The following ING5 variants were observed in gnomAD, a reference collection of about 807,000 sequenced individuals.
ING5 encodes inhibitor of growth protein 5.
Under a neutral mutation model 37.4 loss-of-function variants are expected in ING5, and 17 were observed. The ratio of observed to expected loss-of-function variants is 0.45; its 90% CI spans 0.31 to 0.68. The LOEUF (loss-of-function observed/expected upper bound fraction) is 0.68, where lower values mean the gene tolerates loss of function less well. ING5 is among the 30% of genes least tolerant of loss of function. The pLI is 0.05. For synonymous variants in ING5, 123 were observed against 116.6 expected, an observed-to-expected ratio of 1.06 and a Z score of -0.36; for missense variants, 233 against 311.9, an observed-to-expected ratio of 0.75 and a Z score of 1.91.
At chr2:241,717,980 T>G (rs2070320275) in intron 5 of ING5, among the ~76,000 whole-genome samples, 1 of 152,184 alleles carries the variant, frequency 6.6e-6, no homozygotes, top group East Asian at 1.9e-4. Context: ...CTGCAAGCTT[T>G]TTTCTTTCTG....
intron 5 of ING5, among the ~76,000 whole-genome samples, chr2:241,716,291 T>C (rs2124930897): frequency 6.8e-6 from 1 of 146,200 alleles, no homozygotes; most frequent in South Asian, 2.2e-4. Flanking sequence ...CTTTTTTTTT[T>C]TTTTTTTTTT....
intron 5 of ING5, chr2:241,720,407 C>T: frequency 1.8e-6 from 2 of 1,132,950 alleles, no homozygotes; most frequent in Non-Finnish European, 2.2e-6. Context: ...GCCTGTTCCC[C>T]ACGTGCCCGG....
intron 2 of ING5, among the ~76,000 whole-genome samples, chr2:241,692,988 C>T (rs1285174223): frequency 2.0e-5 from 3 of 152,100 alleles, no homozygotes; most frequent in Non-Finnish European, 4.4e-5. Context: ...TGGCCAGGTG[C>T]GTTGGCTCAC....
chr2:241,687,214 G>C, exon 1 of ING5: 3 of 396,480 alleles, frequency 7.6e-6, no homozygotes, highest in Non-Finnish European at 1.3e-5. Flanking sequence ...CAGCGGGCCC[G>C]ACTCTCAGGG....
intron 3 of ING5, 137 bp downstream of exon 3, chr2:241,709,519 G>T: frequency 1.4e-6 from 1 of 724,316 alleles, no homozygotes; most frequent in Non-Finnish European, 2.3e-6. Flanking sequence ...GCTGGAGGAA[G>T]TGCAGACGGA....
intron 2 of ING5, among the ~76,000 whole-genome samples, chr2:241,706,916 T>C (rs1234812667): frequency 6.6e-6 from 1 of 151,874 alleles, no homozygotes; most frequent in Non-Finnish European, 1.5e-5. Context: ...CCTTTATCTC[T>C]GAAGTTTTAA....
chr2:241,703,362 C>G (rs2069802829), intron 1 of ING5, among the ~76,000 whole-genome samples: 1 of 152,162 alleles, frequency 6.6e-6, no homozygotes, highest in Non-Finnish European at 1.5e-5. Flanking sequence ...CTGGAGGAGG[C>G]AGCCCCCCTT....
chr2:241,712,761 C>G (rs1240030842), intron 5 of ING5, among the ~76,000 whole-genome samples: 1 of 152,108 alleles, frequency 6.6e-6, no homozygotes, highest in Non-Finnish European at 1.5e-5. Flanking sequence ...CACGGTAGCT[C>G]ATGCCTATAA....
intron 3 of ING5, 87 bp from the exon 4 acceptor site, chr2:241,711,290 T>A (rs1042499757): frequency 1.2e-6 from 1 of 856,562 alleles, no homozygotes; most frequent in Non-Finnish European, 1.7e-6. Flanking sequence ...GGCAAGAAGG[T>A]GTTTCCTGGT....
intron 5 of ING5, chr2:241,720,962 C>T: frequency 6.1e-6 from 6 of 985,684 alleles, no homozygotes; most frequent in Non-Finnish European, 4.8e-6. Flanking sequence ...TCCCCTCAGG[C>T]CCCCGGCCCT....
rs2070397416 is a variant in ING5, at chr2:241,720,268, C to T, written c.483-2671C>T. ...GTGGTGCGCGTCCCTGACCCATCAG[C>T]ACAGTGGGTATTCACGCCCCTCGTG... On this transcript the variant is annotated intron_variant, in intron 5 of 7. Coordinates refer to ENST00000313552, the MANE Select transcript of ING5 (RefSeq NM_032329.6). 4.1e-6 allele frequency: 5 copies of T among 1,229,836 alleles called. No homozygotes were observed. The South Asian group carries it at 2.1e-4, about 52-fold the overall frequency. 76.2% of individuals were successfully genotyped at this position (1,229,836 alleles called of 1,614,324 possible).
intron 5 of ING5, among the ~76,000 whole-genome samples, chr2:241,719,094 C>G (rs1463973486): frequency 6.6e-6 from 1 of 152,236 alleles, no homozygotes; most frequent in Non-Finnish European, 1.5e-5. Context: ...CCTTGAGGAC[C>G]TTGAGGTTTC....
At chr2:241,722,757 T>A in intron 5 of ING5, 182 bp from the exon 6 acceptor site, 2 of 985,228 alleles carry the variant, frequency 2.0e-6, no homozygotes, top group Non-Finnish European at 2.4e-6. Flanking sequence ...ATGGGAAAAA[T>A]GGAAGCAAGC....
rs574463285 is a variant in ING5 at position 241,720,590 on chromosome 2, C to T, written c.483-2349C>T. 19 of 986,474 alleles carry T rather than the reference C, an allele frequency of 1.9e-5. No homozygotes were observed. In the South Asian group the frequency reaches 4.7e-4, roughly 24 times the overall value. The allele number at this position is 986,474 out of a possible 1,614,324, so 61.1% of individuals were successfully genotyped here. A position where few individuals can be genotyped will look rare whatever the true frequency, so the allele number is the denominator to read the frequency against. The stretch of plus-strand genomic sequence containing the variant: ...GTGTCACCTGTAGCACCTGGAATCC[C>T]GGGGCTTGGACAGGCAGCCAGCCCC... On this transcript the variant is annotated intron_variant, in intron 5 of 7. Coordinates refer to ENST00000313552, the MANE Select transcript of ING5 (RefSeq NM_032329.6).
chr2:241,722,441 GGGGCCCTCTGTGCCCCCATGCCCCTGCCT>G, intron 5 of ING5: 1 of 985,380 alleles, frequency 1.0e-6, no homozygotes, highest in Non-Finnish European at 1.2e-6. Flanking sequence ...CGGCCTCCTG[GGGGCCCTCTGTGCCCCCATGCCCCTGCCT>G]GGGCCCGAAG....
intron 1 of ING5, among the ~76,000 whole-genome samples, chr2:241,702,881 C>T (rs959983923): frequency 6.6e-6 from 1 of 152,214 alleles, no homozygotes; most frequent in South Asian, 2.1e-4. Flanking sequence ...GCTTTGGGGT[C>T]GCGGTGTTTG....
chr2:241,715,683 C>T (rs768022936), intron 5 of ING5, among the ~76,000 whole-genome samples: 86 of 151,928 alleles, frequency 5.7e-4, no homozygotes, highest in Non-Finnish European at 4.9e-4. Context: ...GACAGGGTTT[C>T]ACCATGTTGG....
intron 2 of ING5, among the ~76,000 whole-genome samples, chr2:241,694,588 A>G (rs1173745983): frequency 6.6e-6 from 1 of 152,020 alleles, no homozygotes; most frequent in African/African-American, 2.4e-5. Context: ...CCCCCCTCTA[A>G]TGAGTTAGCG....
chr2:241,690,888 C>T (rs2069542110), intron 2 of ING5, among the ~76,000 whole-genome samples: 1 of 151,604 alleles, frequency 6.6e-6, no homozygotes, highest in Non-Finnish European at 1.5e-5. Context: ...CTCGCTGCAA[C>T]ATCCACCTCC....
Sources: allele counts gnomAD v4.1 joint callset (sites outside exome capture counted in the v4.1 genomes callset), GRCh38; gene constraint gnomAD v4.1.1; transcripts MANE v1.5; gene names NCBI Gene and HGNC (gene_info 2026-07-23, HGNC 2026-07-21).